The following CCDC6 variants were observed in gnomAD, a reference collection of about 807,000 sequenced individuals.
The protein encoded by CCDC6 is coiled-coil domain-containing protein 6.
In CCDC6, 20 loss-of-function variants were observed where a neutral mutation model predicts 56.6. The observed-to-expected ratio is 0.35, with a 90% confidence interval of 0.25 to 0.51. The LOEUF (loss-of-function observed/expected upper bound fraction) is 0.51, where lower values mean the gene tolerates loss of function less well. CCDC6 is among the 20% of genes least tolerant of loss of function. The pLI, the probability that CCDC6 is intolerant of heterozygous loss-of-function variation, is 0.95. For missense variants in CCDC6, 367 were observed against 601.1 expected (o/e 0.61, Z 4.07); for synonymous variants, 241 against 234.4 (o/e 1.03, Z -0.26).
At chr10:59,891,255 G>A (rs1366630272) in intron 1 of CCDC6, among the ~76,000 whole-genome samples, 1 of 152,034 alleles carries the variant, frequency 6.6e-6, no homozygotes, top group South Asian at 2.1e-4. Context: ...AAGTGCTTCC[G>A]TTATTCCAAG....
At chr10:59,880,410 T>C (rs978117751) in intron 1 of CCDC6, among the ~76,000 whole-genome samples, 1 of 152,128 alleles carries the variant, frequency 6.6e-6, no homozygotes, top group African/African-American at 2.4e-5. Context: ...CCCACAGACA[T>C]AATGCTGGGA....
intron 1 of CCDC6, among the ~76,000 whole-genome samples, chr10:59,872,465 T>C (rs923004384): frequency 6.6e-6 from 1 of 152,164 alleles, no homozygotes; most frequent in Non-Finnish European, 1.5e-5. Flanking sequence ...CTGTTCCTTG[T>C]CTCCTTGCTC....
intron 1 of CCDC6, among the ~76,000 whole-genome samples, chr10:59,866,626 G>A (rs760341385): frequency 3.3e-5 from 5 of 152,032 alleles, no homozygotes; most frequent in Admixed American, 1.3e-4. Flanking sequence ...GCCTCACGTC[G>A]TATATAGGGA....
chr10:59,838,517 C>T (rs2070906214), intron 2 of CCDC6, among the ~76,000 whole-genome samples: 1 of 152,188 alleles, frequency 6.6e-6, no homozygotes, highest in South Asian at 2.1e-4. Context: ...ATACTATTTT[C>T]ACACTACTCA....
At chr10:59,838,860 T>C (rs2070910015) in intron 2 of CCDC6, among the ~76,000 whole-genome samples, 3 of 152,130 alleles carry the variant, frequency 2.0e-5, no homozygotes, top group Non-Finnish European at 4.4e-5. Context: ...TTACCAAGAC[T>C]AGGGGATAGC....
At chr10:59,809,783 T>C (rs1035711817) in intron 5 of CCDC6, among the ~76,000 whole-genome samples, 6 of 152,208 alleles carry the variant, frequency 3.9e-5, no homozygotes, top group African/African-American at 1.4e-4. Context: ...CTTGTTTGTA[T>C]CAGTTAGCCT....
chr10:59,835,370 C>T (rs1667762261), intron 2 of CCDC6, among the ~76,000 whole-genome samples: 1 of 152,344 alleles, frequency 6.6e-6, no homozygotes, highest in African/African-American at 2.4e-5. Flanking sequence ...GATGGTCTAA[C>T]ACTGTCAGTA....
chr10:59,864,147 T>C (rs2071157884), intron 1 of CCDC6, among the ~76,000 whole-genome samples: 1 of 152,178 alleles, frequency 6.6e-6, no homozygotes, highest in Non-Finnish European at 1.5e-5. Context: ...TGAATCTGGG[T>C]CCTAAAAGCA....
intron 1 of CCDC6, among the ~76,000 whole-genome samples, chr10:59,895,051 C>T (rs2071451406): frequency 6.6e-6 from 1 of 152,122 alleles, no homozygotes; most frequent in Non-Finnish European, 1.5e-5. Context: ...CCTGTAATCC[C>T]AGGACTTTGG....
intron 3 of CCDC6, among the ~76,000 whole-genome samples, chr10:59,822,965 T>C (rs1589041045): frequency 6.6e-6 from 1 of 151,484 alleles, no homozygotes; most frequent in Admixed American, 6.6e-5. Context: ...AGAGAAGCGG[T>C]TTGACTTCGG....
intron 7 of CCDC6, among the ~76,000 whole-genome samples, chr10:59,801,707 T>C (rs568254149): frequency 3.3e-5 from 5 of 152,350 alleles, no homozygotes; most frequent in African/African-American, 1.2e-4. Context: ...TAGTCATTTA[T>C]TCATATCAGT....
intron 1 of CCDC6, among the ~76,000 whole-genome samples, chr10:59,891,951 G>A (rs923229226): frequency 1.3e-5 from 2 of 152,168 alleles, no homozygotes; most frequent in Admixed American, 1.3e-4. Flanking sequence ...AAGAAAAGAG[G>A]TCACTTGAGG....
intron 1 of CCDC6, among the ~76,000 whole-genome samples, chr10:59,872,779 TG>T (rs376133397): frequency 0.013 from 738 of 57,216 alleles, 15 homozygotes; most frequent in South Asian, 0.068. Flanking sequence ...ACTTTCCAGA[TG>T]GGGGGGTGGG....
At position 59,844,912 on chromosome 10, in the gene CCDC6, C is replaced by T. The variant is rs866743030; in HGVS notation, c.453+7641G>A. Among the ~76,000 whole-genome samples, 3 of 152,200 alleles carry T rather than the reference C, an allele frequency of 2.0e-5. 1 individual carries two copies. Among genetic ancestry groups the T allele is most frequent in the South Asian group, 4.1e-4 (2 of 4,824 alleles). On this transcript the variant is annotated intron_variant, in intron 2 of 8. Coordinates refer to ENST00000263102, the MANE Select transcript of CCDC6 (RefSeq NM_005436.5). ...ATTATTGAAAATTACAATGAAAGGT[C>T]TCATCTTTCTTACCAAGTTTATGAG...
intron 7 of CCDC6, among the ~76,000 whole-genome samples, chr10:59,795,358 T>A (rs1207362729): frequency 1.3e-5 from 2 of 152,090 alleles, no homozygotes; most frequent in Non-Finnish European, 2.9e-5. Flanking sequence ...CTAATAGATA[T>A]ATGAAAAGAC....
In CCDC6 at chr10:59,789,218, A is replaced by C. The variant is rs2070446688; in HGVS notation, c.*3699T>G. The C allele has an allele frequency of 4.3e-6, 1 of 231,388 alleles. No homozygotes were observed. Among genetic ancestry groups the C allele is most frequent in the Non-Finnish European group, 8.6e-6 (1 of 116,644 alleles). The allele number at this position is 231,388 out of a possible 1,614,324, so 14.3% of individuals were successfully genotyped here. ...CAATACAATCTAGATGACGGTGCAG[A>C]CTAAGTCAAGAACTAAAGTTGTGCA... On this transcript the variant is annotated 3_prime_UTR_variant, in exon 9 of 9. Coordinates refer to ENST00000263102, the MANE Select transcript of CCDC6 (RefSeq NM_005436.5).
intron 5 of CCDC6, among the ~76,000 whole-genome samples, chr10:59,808,077 G>A (rs993796222): frequency 1.3e-5 from 2 of 152,100 alleles, no homozygotes; most frequent in Non-Finnish European, 2.9e-5. Flanking sequence ...CCTGTATATA[G>A]CTGGCACCTC....
intron 1 of CCDC6, among the ~76,000 whole-genome samples, chr10:59,880,389 T>C (rs1564755292): frequency 6.6e-6 from 1 of 152,130 alleles, no homozygotes; most frequent in African/African-American, 2.4e-5. Context: ...AGACCAACAA[T>C]ATAGATAAAT....
At chr10:59,838,585 G>A (rs1375879742) in intron 2 of CCDC6, among the ~76,000 whole-genome samples, 1 of 152,208 alleles carries the variant, frequency 6.6e-6, no homozygotes, top group African/African-American at 2.4e-5. Flanking sequence ...CATGCATGCA[G>A]CAAACAAAGA....
Sources: allele counts gnomAD v4.1 joint callset (sites outside exome capture counted in the v4.1 genomes callset), GRCh38; gene constraint gnomAD v4.1.1; transcripts MANE v1.5; gene names NCBI Gene and HGNC (gene_info 2026-07-23, HGNC 2026-07-21).